Variants in CFAP54 observed in about 807,000 individuals in gnomAD.
The protein encoded by CFAP54 is cilia and flagella associated protein 54.
CFAP54 carries 290 observed loss-of-function variants against 370.4 expected under a neutral mutation model. The ratio of observed to expected loss-of-function variants is 0.78; its 90% confidence interval spans 0.71 to 0.86. The LOEUF is 0.86. Among genes scored for constraint, CFAP54 ranks in the 40% least tolerant of loss-of-function variants. The pLI is 0.00. For missense variants in CFAP54, 3,399 were observed against 3,528.7 expected (o/e 0.96, Z 0.93); for synonymous variants, 1,206 against 1,236.5 (o/e 0.98, Z 0.52).
chr12:96,780,252 T>C (rs1958568030), intron 60 of CFAP54, among the ~76,000 whole-genome samples: 1 of 152,216 alleles, frequency 6.6e-6, no homozygotes, highest in East Asian at 1.9e-4. Flanking sequence ...TTAGAAATCT[T>C]TTCCTAAACA....
chr12:96,517,277 C>A (rs1468568065), intron 5 of CFAP54, among the ~76,000 whole-genome samples: 1 of 152,132 alleles, frequency 6.6e-6, no homozygotes, highest in Non-Finnish European at 1.5e-5. Context: ...AGCCCCAGCT[C>A]TTTTGATTAG....
chr12:96,625,278 G>T (rs921417446), intron 28 of CFAP54, among the ~76,000 whole-genome samples: 21 of 152,042 alleles, frequency 1.4e-4, no homozygotes, highest in African/African-American at 5.1e-4. Flanking sequence ...ACTTTCCAAG[G>T]TTTCATAACT....
At chr12:96,569,792 A>G (rs147540164) in intron 19 of CFAP54, among the ~76,000 whole-genome samples, 220 of 152,306 alleles carry the variant, frequency 1.4e-3, no homozygotes, top group Non-Finnish European at 2.3e-3. Flanking sequence ...TAGCAGTTCT[A>G]ATAACCTCTG....
Position 96,685,127 on chromosome 12 carries a change from T to C in CFAP54, c.5903T>C (p.Val1968Ala). ...GAATTTGGCCCCTCACTCACCAATG[T>C]CACCAACAGTCATTCACCTCCGGGT... ...WKEFGPSLTN[V>A]TNSHSPPGFK... The change falls in exon 42 of 68, where the codon GTC (valine) becomes GCC (alanine). Residue 1968 changes from valine (V) to alanine (A), a missense_variant. Transcript: ENST00000524981. The C allele has an allele frequency of 6.2e-7, 1 of 1,614,144 alleles. No homozygotes were observed.
At position 96,576,629 on chromosome 12, in the gene CFAP54, C is replaced by A. The variant is rs187516224; in HGVS notation, c.2664C>A (p.Ala888=). Residue 888 remains alanine, a synonymous_variant, in exon 20 of 68, where the codon GCC becomes GCA. Transcript: ENST00000524981. ...LIQRIEAEQN[A]LYSYQKYLES... ...AGAGGATTGAAGCTGAACAAAATGC[C>A]CTATATTCCTATCAGAAATATTTGG... The A allele has an allele frequency of 1.3e-6, 2 of 1,534,706 alleles. No individual in the cohort carries two copies. Among genetic ancestry groups the A allele is most frequent in the East Asian group, 4.9e-5 (2 of 40,870 alleles).
chr12:96,648,091 A>G (rs1193052905), intron 34 of CFAP54, 74 bp downstream of exon 34: 1 of 1,110,472 alleles, frequency 9.0e-7, no homozygotes, highest in East Asian at 3.1e-5. Context: ...GCACACATAC[A>G]CATTGTGGAC....
At chr12:96,849,565 A>C (rs1212311257) in intron 66 of CFAP54, among the ~76,000 whole-genome samples, 1 of 152,236 alleles carries the variant, frequency 6.6e-6, no homozygotes, top group African/African-American at 2.4e-5. Flanking sequence ...CTTTTGATTA[A>C]GGAAAATTGT....
chr12:96,626,043 G>A (rs535141536), intron 29 of CFAP54, among the ~76,000 whole-genome samples: 1 of 152,216 alleles, frequency 6.6e-6, no homozygotes, highest in Non-Finnish European at 1.5e-5. Flanking sequence ...GCTTATTTTG[G>A]TAGTGAATGG....
At chr12:96,697,410 T>C (rs1422169072) in intron 45 of CFAP54, among the ~76,000 whole-genome samples, 1 of 152,156 alleles carries the variant, frequency 6.6e-6, no homozygotes, top group Non-Finnish European at 1.5e-5. Context: ...TCCTTTGATA[T>C]TATATGGCAC....
chr12:96,861,422 A>C lies in CFAP54; in HGVS notation c.*14+470A>C, dbSNP rs528650487. Among the ~76,000 whole-genome samples, 29 of 152,324 alleles carry C rather than the reference A, an allele frequency of 1.9e-4. No homozygotes were observed. The South Asian group carries it at 6.0e-3, about 32-fold the overall frequency. On this transcript the variant is annotated intron_variant, in intron 67 of 67. Transcript: ENST00000524981. ...ACAACAAAGAATTATCAAGCCCAAA[A>C]TGTCACTAACGCTAGTCTTGAAAAA...
At chr12:96,602,541 A>T (rs961710589) in intron 26 of CFAP54, among the ~76,000 whole-genome samples, 2 of 152,132 alleles carry the variant, frequency 1.3e-5, no homozygotes, top group African/African-American at 4.8e-5. Flanking sequence ...GATCAGTCTA[A>T]TATTGACAGT....
At chr12:96,602,402 C>A (rs368733432) in intron 26 of CFAP54, among the ~76,000 whole-genome samples, 4 of 152,038 alleles carry the variant, frequency 2.6e-5, no homozygotes, top group Non-Finnish European at 5.9e-5. Context: ...AGAATAAGTG[C>A]GATGTGGTGC....
chr12:96,729,260 TTGTC>T (rs1411217597), intron 50 of CFAP54, among the ~76,000 whole-genome samples: 1 of 152,154 alleles, frequency 6.6e-6, no homozygotes, highest in Non-Finnish European at 1.5e-5. Context: ...GTCTTTTTGT[TTGTC>T]TGTGCCCTGC....
At chr12:96,647,820 A>G (rs1212787496) in intron 33 of CFAP54, 55 bp from the exon 34 acceptor site, 2 of 1,393,688 alleles carry the variant, frequency 1.4e-6, no homozygotes, top group African/African-American at 3.0e-5. Flanking sequence ...CATTTGACAG[A>G]TTTAATTCAA....
intron 35 of CFAP54, among the ~76,000 whole-genome samples, chr12:96,651,380 G>A (rs78205000): frequency 1.3e-5 from 2 of 152,128 alleles, no homozygotes; most frequent in African/African-American, 4.8e-5. Flanking sequence ...TAAAATACTA[G>A]TACCTAGTGC....
Position 96,674,666 on chromosome 12 carries a change from C to T in CFAP54, c.5564-4934C>T, listed in dbSNP as rs935635644. 2.0e-5 allele frequency among the ~76,000 whole-genome samples: 3 copies of T among 152,046 alleles called. No homozygotes were observed. In the East Asian group the frequency reaches 5.8e-4, roughly 29 times the overall value. On this transcript the variant is annotated intron_variant, in intron 39 of 67. Transcript: ENST00000524981. ...AAGAACACAAAGAGGAATTATTTAT[C>T]AGCCAGATAAAAAAGTAGTGGGATG...
At chr12:96,611,658 C>A (rs1003072073) in intron 26 of CFAP54, among the ~76,000 whole-genome samples, 1 of 152,146 alleles carries the variant, frequency 6.6e-6, no homozygotes, top group African/African-American at 2.4e-5. Context: ...AGACAAATGG[C>A]TAACTAGAAT....
At chr12:96,741,168 T>G (rs1024673910) in intron 51 of CFAP54, among the ~76,000 whole-genome samples, 4 of 152,062 alleles carry the variant, frequency 2.6e-5, no homozygotes, top group Non-Finnish European at 5.9e-5. Context: ...TTACTCTTGG[T>G]TTTTTGGTTT....
chr12:96,729,329 C>T (rs1957886704), intron 50 of CFAP54, among the ~76,000 whole-genome samples: 1 of 152,210 alleles, frequency 6.6e-6, no homozygotes, highest in Non-Finnish European at 1.5e-5. Context: ...GTGGTGGGCT[C>T]CACCCTGTTC....
Sources: gnomAD v4.1 joint callset for allele counts (sites outside exome capture counted in the v4.1 genomes callset) on GRCh38, gnomAD v4.1.1 for gene constraint, MANE v1.5 for transcripts, NCBI Gene and HGNC (gene_info 2026-07-23, HGNC 2026-07-21) for gene names.